Variants in KCTD16 observed in about 807,000 individuals in gnomAD.
KCTD16 encodes the protein BTB/POZ domain-containing protein KCTD16.
A neutral mutation model predicts 33.2 loss-of-function variants in KCTD16; 13 were observed. The ratio of observed to expected loss-of-function variants is 0.39; its 90% CI spans 0.25 to 0.62. The LOEUF (loss-of-function observed/expected upper bound fraction) is 0.62. KCTD16 is among the 20% of genes least tolerant of loss of function. KCTD16 has a pLI of 0.50. For missense variants in KCTD16, 441 were observed against 525.1 expected (o/e 0.84, Z 1.57); for synonymous variants, 197 against 195.3 (o/e 1.01, Z -0.07).
chr5:144,188,818 C>T (rs1752782271), intron 2 of KCTD16, among the ~76,000 whole-genome samples: 1 of 152,120 alleles, frequency 6.6e-6, no homozygotes, highest in African/African-American at 2.4e-5. Context: ...AAATACTCAC[C>T]TCCCCTCCCC....
chr5:144,175,679 G>C (rs2126770040), intron 2 of KCTD16, among the ~76,000 whole-genome samples: 1 of 152,244 alleles, frequency 6.6e-6, no homozygotes. Context: ...TTGCCATGGA[G>C]CTTCAGTAAT....
At chr5:144,255,930 C>A (rs1484355926) in intron 3 of KCTD16, among the ~76,000 whole-genome samples, 1 of 152,184 alleles carries the variant, frequency 6.6e-6, no homozygotes, top group Non-Finnish European at 1.5e-5. Context: ...GATTACCCAA[C>A]TACTTAAGGG....
intron 3 of KCTD16, among the ~76,000 whole-genome samples, chr5:144,454,614 G>A (rs1754019807): frequency 6.6e-6 from 1 of 152,156 alleles, no homozygotes; most frequent in South Asian, 2.1e-4. Flanking sequence ...TATCATTACA[G>A]TTTCTCTGGG....
At chr5:144,171,736 A>T (rs1452300494) in intron 1 of KCTD16, among the ~76,000 whole-genome samples, 1 of 152,202 alleles carries the variant, frequency 6.6e-6, no homozygotes, top group Non-Finnish European at 1.5e-5. Flanking sequence ...GGGGAGCCAC[A>T]TAGGAGTTGA....
At chr5:144,269,232 A>G (rs1755229533) in intron 3 of KCTD16, among the ~76,000 whole-genome samples, 5 of 152,018 alleles carry the variant, frequency 3.3e-5, no homozygotes, top group African/African-American at 1.2e-4. Flanking sequence ...ATGAATGTAA[A>G]CATCCAAGGA....
intron 2 of KCTD16, chr5:144,206,140 G>C (rs1250263132): frequency 2.0e-5 from 3 of 152,622 alleles, no homozygotes; most frequent in Non-Finnish European, 4.4e-5. Flanking sequence ...AGACTTACAA[G>C]TAAATTGTTT....
chr5:144,179,085 T>C (rs1752566023), intron 2 of KCTD16, among the ~76,000 whole-genome samples: 1 of 152,204 alleles, frequency 6.6e-6, no homozygotes, highest in Non-Finnish European at 1.5e-5. Context: ...TCTTTGACTT[T>C]ACAAATGAGG....
intron 3 of KCTD16, among the ~76,000 whole-genome samples, chr5:144,289,424 C>A (rs1038871690): frequency 6.6e-6 from 1 of 152,138 alleles, no homozygotes; most frequent in African/African-American, 2.4e-5. Context: ...GTAAAGATTG[C>A]TTATCACTCA....
Position 144,298,180 on chromosome 5 carries a change from T to G in KCTD16, c.832+90634T>G, listed in dbSNP as rs576484008. Among the ~76,000 whole-genome samples, 64 of 152,214 alleles carry G rather than the reference T, an allele frequency of 4.2e-4. No individual in the cohort carries two copies. The South Asian group carries it at 0.013, about 30-fold the overall frequency. ...ATGGCTTCTAATAGAGCCATAACAT[T>G]CACCACACGGCCCAAGATTCCATTC... On this transcript the variant is annotated intron_variant, in intron 3 of 3. Transcript: ENST00000512467.
intron 3 of KCTD16, among the ~76,000 whole-genome samples, chr5:144,414,507 G>T (rs748129099): frequency 2.0e-5 from 3 of 152,148 alleles, no homozygotes; most frequent in Non-Finnish European, 4.4e-5. Context: ...TTCAGGCAGG[G>T]ACAATGTCTT....
intron 3 of KCTD16, among the ~76,000 whole-genome samples, chr5:144,209,649 A>G (rs376092885): frequency 5.3e-5 from 8 of 151,852 alleles, no homozygotes; most frequent in East Asian, 1.9e-4. Context: ...AACTGTGCCT[A>G]TATAAGCATT....
chr5:144,417,899 A>G (rs1237678901), intron 3 of KCTD16, among the ~76,000 whole-genome samples: 1 of 152,178 alleles, frequency 6.6e-6, no homozygotes. Flanking sequence ...GCTGACTTCA[A>G]GAATGAAGCT....
rs549117649 is a variant in KCTD16, at chr5:144,411,843, T to C, written c.833-61817T>C. ...AGCTCAAGCAACTCAATAGCAAAAA[T>C]AAAAAAAAATTGGCAAAGGATCTGA... On this transcript the variant is annotated intron_variant, in intron 3 of 3. Transcript: ENST00000512467. 1.1e-4 allele frequency among the ~76,000 whole-genome samples: 17 copies of C among 150,496 alleles called. No homozygotes were observed. In the South Asian group the frequency reaches 3.6e-3, roughly 32 times the overall value.
chr5:144,410,400 T>G (rs1752906206), intron 3 of KCTD16, among the ~76,000 whole-genome samples: 1 of 152,258 alleles, frequency 6.6e-6, no homozygotes, highest in Non-Finnish European at 1.5e-5. Context: ...TTCATTTGAC[T>G]TTCATGATAA....
At chr5:144,467,023 AACACTAT>A (rs2126997459) in intron 3 of KCTD16, among the ~76,000 whole-genome samples, 1 of 125,078 alleles carries the variant, frequency 8.0e-6, no homozygotes, top group South Asian at 2.3e-4. Flanking sequence ...TAATATATAT[AACACTAT>A]ATATTATATA....
At chr5:144,366,276 C>T (rs1751830454) in intron 3 of KCTD16, among the ~76,000 whole-genome samples, 1 of 152,176 alleles carries the variant, frequency 6.6e-6, no homozygotes, top group African/African-American at 2.4e-5. Flanking sequence ...CTAGAAATTA[C>T]TGATGCTCTG....
intron 3 of KCTD16, among the ~76,000 whole-genome samples, chr5:144,289,263 G>A (rs1471767239): frequency 6.6e-6 from 1 of 152,250 alleles, no homozygotes; most frequent in East Asian, 1.9e-4. Flanking sequence ...AGAATCTGAA[G>A]CCTACTGCAT....
intron 3 of KCTD16, among the ~76,000 whole-genome samples, chr5:144,211,315 C>G (rs1219817336): frequency 6.6e-6 from 1 of 152,018 alleles, no homozygotes; most frequent in Non-Finnish European, 1.5e-5. Flanking sequence ...ATGCATCTAC[C>G]CTAAGATTAT....
chr5:144,254,395 C>T (rs2032854), intron 3 of KCTD16, among the ~76,000 whole-genome samples: 3,245 of 151,986 alleles, frequency 0.021, 133 homozygotes, highest in African/African-American at 0.074. Context: ...TTCTAACACT[C>T]ATTGCATTAT....
Sources: allele counts gnomAD v4.1 joint callset (sites outside exome capture counted in the v4.1 genomes callset), GRCh38; gene constraint gnomAD v4.1.1; transcripts MANE v1.5; gene names NCBI Gene and HGNC (gene_info 2026-07-23, HGNC 2026-07-21).